PIP5K1C: variants seen among roughly 807,000 people sequenced by gnomAD.
PIP5K1C encodes phosphatidylinositol 4-phosphate 5-kinase type-1 gamma.
Under a neutral mutation model 80.1 loss-of-function variants are expected in PIP5K1C, and 45 were observed. That is an observed-to-expected ratio of 0.56 (90% CI 0.44 to 0.72). The LOEUF (loss-of-function observed/expected upper bound fraction) is 0.72. Ranked by LOEUF, PIP5K1C falls within the 30% of genes least tolerant of loss-of-function variation. The pLI is 0.00. For synonymous variants in PIP5K1C, 498 were observed against 420.1 expected (o/e 1.19, Z -2.27); for missense variants, 753 against 954.6 (o/e 0.79, Z 2.78).
In PIP5K1C at chr19:3,652,067, G is replaced by A. The variant is rs561053908; in HGVS notation, c.922-36C>T. ...CGGGCAGGAACACGCCACGCCGTCA[G>A]CCGTCTCTATCCCCCACAACGGCTC... On this transcript the variant is annotated intron_variant, in intron 7 of 17. Coordinates refer to ENST00000335312, the MANE Select transcript of PIP5K1C (RefSeq NM_012398.3). The A allele has an allele frequency of 5.5e-5, 88 of 1,601,696 alleles. No homozygotes were observed. In the East Asian group the frequency reaches 1.8e-3, roughly 33 times the overall value.
intron 16 of PIP5K1C, among the ~76,000 whole-genome samples, chr19:3,634,727 T>C (rs1182896953): frequency 6.6e-6 from 1 of 152,210 alleles, no homozygotes; most frequent in Non-Finnish European, 1.5e-5. Flanking sequence ...GCAGGAGCAC[T>C]GCCTCTCCCT....
rs528775060 is a variant in PIP5K1C, at chr19:3,631,951, C to A, written c.*1216G>T. ...ACAGCCATCACCAATAAGCCCCTCT[C>A]AGGGGTCCTGGGGAAGGGCAGGGTG... On this transcript the variant is annotated 3_prime_UTR_variant, in exon 18 of 18. Coordinates refer to ENST00000335312, the MANE Select transcript of PIP5K1C (RefSeq NM_012398.3). 2.0e-5 allele frequency: 3 copies of A among 152,348 alleles called. No individual in the cohort carries two copies. Among genetic ancestry groups the A allele is most frequent in the Admixed American group, 2.0e-4 (3 of 15,302 alleles). The allele number at this position is 152,348 out of a possible 1,614,324, so 9.4% of individuals were successfully genotyped here. A position where few individuals can be genotyped will look rare whatever the true frequency, so the allele number is the denominator to read the frequency against.
chr19:3,666,105 C>T (rs548333794), intron 2 of PIP5K1C, among the ~76,000 whole-genome samples: 119 of 152,372 alleles, frequency 7.8e-4, no homozygotes, highest in African/African-American at 2.7e-3. Flanking sequence ...ACTGCCCCCA[C>T]GCCGGGGGAC....
rs576986899 is a variant in PIP5K1C at position 3,652,872 on chromosome 19, G to T, written c.921+418C>A. Among the ~76,000 whole-genome samples the T allele has an allele frequency of 1.8e-4, 27 of 152,206 alleles. No homozygotes were observed. The East Asian group carries it at 5.2e-3, about 29-fold the overall frequency. ...AAGGCTGGGCTCTTCTCTGGGGGGT[G>T]GGGGGACTCTACCACTGTCATCGTG... On this transcript the variant is annotated intron_variant, in intron 7 of 17. Coordinates refer to ENST00000335312, the MANE Select transcript of PIP5K1C (RefSeq NM_012398.3).
At chr19:3,667,953 G>A (rs896919184) in intron 1 of PIP5K1C, among the ~76,000 whole-genome samples, 3 of 152,172 alleles carry the variant, frequency 2.0e-5, no homozygotes, top group Non-Finnish European at 4.4e-5. Flanking sequence ...AGTGGGAACT[G>A]GCCAGGGGTC....
chr19:3,661,113 G>C, intron 4 of PIP5K1C, 30 bp from the exon 5 acceptor site: 1 of 1,498,442 alleles, frequency 6.7e-7, no homozygotes, highest in Non-Finnish European at 9.3e-7. Context: ...GGAAACCTGT[G>C]AGGGGTGGTG....
intron 15 of PIP5K1C, among the ~76,000 whole-genome samples, chr19:3,639,520 C>T (rs917446286): frequency 6.6e-5 from 10 of 152,178 alleles, no homozygotes; most frequent in African/African-American, 9.7e-5. Flanking sequence ...CAGCCTCCAC[C>T]GCCCGGGCTC....
intron 1 of PIP5K1C, among the ~76,000 whole-genome samples, chr19:3,675,829 C>A (rs1409521018): frequency 6.6e-6 from 1 of 152,220 alleles, no homozygotes; most frequent in Non-Finnish European, 1.5e-5. Flanking sequence ...CCTCCACCCA[C>A]TCCATGCCAG....
intron 8 of PIP5K1C, among the ~76,000 whole-genome samples, chr19:3,651,072 T>TTTTA (rs2034428195): frequency 1.3e-5 from 2 of 150,756 alleles, no homozygotes; most frequent in South Asian, 2.1e-4. Flanking sequence ...TTTTTTTTTT[T>TTTTA]AAGACAGGGT....
chr19:3,634,473 C>T (rs1052343592), intron 16 of PIP5K1C, among the ~76,000 whole-genome samples: 6 of 152,220 alleles, frequency 3.9e-5, no homozygotes, highest in Non-Finnish European at 5.9e-5. Flanking sequence ...GGCCTGGCCT[C>T]GGCCTGAAGT....
intron 2 of PIP5K1C, among the ~76,000 whole-genome samples, chr19:3,665,635 G>T (rs1182224660): frequency 1.3e-5 from 2 of 152,100 alleles, no homozygotes; most frequent in Non-Finnish European, 2.9e-5. Flanking sequence ...TGGAAGGATT[G>T]AAAAGACCAC....
intron 1 of PIP5K1C, among the ~76,000 whole-genome samples, chr19:3,671,453 G>A (rs913813788): frequency 1.3e-5 from 2 of 152,224 alleles, no homozygotes; most frequent in African/African-American, 4.8e-5. Flanking sequence ...TCACCTGCCC[G>A]ACTCACCTGA....
At chr19:3,657,686 T>C (rs1294405029) in intron 5 of PIP5K1C, among the ~76,000 whole-genome samples, 1 of 151,528 alleles carries the variant, frequency 6.6e-6, no homozygotes, top group African/African-American at 2.4e-5. Flanking sequence ...TCCCAACACC[T>C]TGGGAGGCTG....
At chr19:3,636,676 T>G (rs937034606) in intron 16 of PIP5K1C, 45 of 985,594 alleles carry the variant, frequency 4.6e-5, no homozygotes, top group Non-Finnish European at 5.3e-5. Flanking sequence ...GCCGGGGAAG[T>G]GGTCTCCACC....
rs775309313 is a variant in PIP5K1C, at chr19:3,653,437, G to A, written c.774C>T (p.Thr258=). ...CCTTCTTGCTGGCGCGCCGCTTGTA[G>A]GTGGAGCCCTTGAGGTCGAACTTGA... ...MHLKFDLKGS[T]YKRRASKKEK... is the part of the protein sequence containing the mutation. Residue 258 remains threonine (T), a synonymous_variant, in exon 7 of 18, where the codon ACC becomes ACT. Coordinates refer to ENST00000335312, the MANE Select transcript of PIP5K1C (RefSeq NM_012398.3). The A allele has an allele frequency of 2.7e-5, 43 of 1,613,550 alleles. No homozygotes were observed. In the Admixed American group the frequency reaches 3.7e-4, roughly 14 times the overall value.
At chr19:3,651,382 C>T (rs777319166) in intron 8 of PIP5K1C, among the ~76,000 whole-genome samples, 10 of 152,152 alleles carry the variant, frequency 6.6e-5, no homozygotes, top group Non-Finnish European at 1.2e-4. Flanking sequence ...TGTGTGGAAT[C>T]GGATTTTGCA....
At position 3,700,415 on chromosome 19, in the gene PIP5K1C, G is replaced by A. The variant is rs1484146955; in HGVS notation, c.-25C>T. The A allele has an allele frequency of 3.3e-5, 35 of 1,076,568 alleles. No individual in the cohort carries two copies. Among genetic ancestry groups the A allele is most frequent in the African/African-American group, 1.4e-4 (8 of 58,720 alleles). 66.7% of individuals were successfully genotyped at this position (1,076,568 alleles called of 1,614,324 possible). On this transcript the variant is annotated 5_prime_UTR_variant, in exon 1 of 18. Transcript: ENST00000335312. Reference sequence around the variant, plus strand: ...TGGCCGCGCGCGGACGGCGGCGGGGGCGCCCGAGGGGGACCCGAGCTGCGA... The same window carrying A: ...TGGCCGCGCGCGGACGGCGGCGGGGACGCCCGAGGGGGACCCGAGCTGCGA...
In PIP5K1C at chr19:3,656,858, A is replaced by G. The variant is rs148830048; in HGVS notation, c.469-301T>C. On this transcript the variant is annotated intron_variant, in intron 5 of 17. Transcript: ENST00000335312. ...CACCGGGGTGCTGACGCGCGTGGCT[A>G]AAAGGTGCTCCCAGCACCCCTGAAG... is the stretch of plus-strand genomic sequence containing the variant. Among the ~76,000 whole-genome samples the G allele has an allele frequency of 2.6e-3, 400 of 152,314 alleles. 2 individuals are homozygous for G. The highest frequency in any genetic ancestry group is 9.4e-3 in the African/African-American group (391 of 41,570).
rs1257402627 is a variant in PIP5K1C at position 3,637,951 on chromosome 19, G to A, written c.1920+933C>T. 6.5e-7 allele frequency: 1 copy of A among 1,534,542 alleles called. No homozygotes were observed. Among genetic ancestry groups the A allele is most frequent in the African/African-American group, 1.4e-5 (1 of 73,126 alleles). On this transcript the variant is annotated intron_variant, in intron 16 of 17. Transcript: ENST00000335312. The surrounding 1 kb of genome is among the most constrained non-coding windows in gnomAD (Gnocchi z 7.0). ...CGGTGGGTAGGGGCACAGGCACGCG[G>A]CCCGTCCCTCCCTTCTCCAGGGCCA...
Sources: gnomAD v4.1 joint callset for allele counts (sites outside exome capture counted in the v4.1 genomes callset) on GRCh38, gnomAD v4.1.1 for gene constraint, Gnocchi (gnomAD v3.1) non-coding constraint, MANE v1.5 for transcripts, NCBI Gene and HGNC (gene_info 2026-07-23, HGNC 2026-07-21) for gene names.